GREM2: variants seen among roughly 807,000 people sequenced by gnomAD.
The protein encoded by GREM2 is gremlin-2.
GREM2 carries 11 observed loss-of-function variants against 14.2 expected under a neutral mutation model. The observed-to-expected ratio is 0.78, with a 90% CI of 0.49 to 1.28. The LOEUF is 1.28. Among genes scored for constraint, GREM2 ranks in the 50% most tolerant of loss-of-function variants. The pLI, the probability that GREM2 is intolerant of heterozygous loss-of-function variation, is 0.00. For missense variants in GREM2, 210 were observed against 218.5 expected, an observed-to-expected ratio of 0.96 and a Z score of 0.24; for synonymous variants, 98 against 97.6, an observed-to-expected ratio of 1.00 and a Z score of -0.02.
At chr1:240,574,874 C>T (rs186266100) in intron 1 of GREM2, among the ~76,000 whole-genome samples, 2 of 152,028 alleles carry the variant, frequency 1.3e-5, no homozygotes, top group Admixed American at 6.6e-5. Flanking sequence ...TTTGGGAGGC[C>T]GAGGCAGGCG....
intron 1 of GREM2, among the ~76,000 whole-genome samples, chr1:240,586,277 A>G (rs1011971182): frequency 2.4e-4 from 36 of 152,352 alleles, no homozygotes; most frequent in Admixed American, 2.2e-3. Context: ...TCCCTGGACT[A>G]GAAATCCATT....
intron 1 of GREM2, among the ~76,000 whole-genome samples, chr1:240,577,862 C>A (rs1679401828): frequency 6.6e-6 from 1 of 152,114 alleles, no homozygotes; most frequent in South Asian, 2.1e-4. Flanking sequence ...TCTATGTGAG[C>A]AAATCTATAT....
chr1:240,582,562 G>A (rs767464900), intron 1 of GREM2, among the ~76,000 whole-genome samples: 9 of 151,968 alleles, frequency 5.9e-5, no homozygotes, highest in East Asian at 1.9e-4. Context: ...TTGGGAGGCC[G>A]AGACAGGTGG....
chr1:240,562,559 G>C (rs867853086), intron 1 of GREM2, among the ~76,000 whole-genome samples: 1 of 152,158 alleles, frequency 6.6e-6, no homozygotes, highest in Non-Finnish European at 1.5e-5. Flanking sequence ...CACGCCATTA[G>C]TTTAATATTT....
chr1:240,583,047 C>T (rs1572410143), intron 1 of GREM2, among the ~76,000 whole-genome samples: 1 of 152,000 alleles, frequency 6.6e-6, no homozygotes, highest in Admixed American at 6.6e-5. Flanking sequence ...TAATGACAAT[C>T]TTCTTTTATG....
rs568549391 is a variant in GREM2 at position 240,557,565 on chromosome 1, C to T, written c.-2+54319G>A. On this transcript the variant is annotated intron_variant, in intron 1 of 1. Transcript: ENST00000318160. ...AAAATGATTTTCAAATGGAAATTAT[C>T]TTCCAAATAATGAATCTATTTTTTT... 4.4e-4 allele frequency among the ~76,000 whole-genome samples: 67 copies of T among 152,284 alleles called. 1 individual carries two copies. Among genetic ancestry groups the T allele is most frequent in the African/African-American group, 1.6e-3 (67 of 41,572 alleles).
chr1:240,585,993 A>C (rs1679592713), intron 1 of GREM2, among the ~76,000 whole-genome samples: 1 of 151,804 alleles, frequency 6.6e-6, no homozygotes, highest in Non-Finnish European at 1.5e-5. Context: ...AATTATTAAA[A>C]GAATCTTACT....
At chr1:240,609,816 C>G (rs559421470) in intron 1 of GREM2, among the ~76,000 whole-genome samples, 6 of 152,216 alleles carry the variant, frequency 3.9e-5, no homozygotes, top group African/African-American at 7.2e-5. Context: ...AATACCATTC[C>G]TTTGCATTAG....
chr1:240,514,478 G>A (rs1339570022), intron 1 of GREM2, among the ~76,000 whole-genome samples: 1 of 142,606 alleles, frequency 7.0e-6, no homozygotes, highest in African/African-American at 2.8e-5. Context: ...AGAGTGAAAT[G>A]TACACACTGG....
At chr1:240,590,577 G>A (rs1452121811) in intron 1 of GREM2, among the ~76,000 whole-genome samples, 3 of 151,412 alleles carry the variant, frequency 2.0e-5, no homozygotes, top group Admixed American at 6.6e-5. Flanking sequence ...TTACAGGCAT[G>A]TGCCACCATG....
chr1:240,609,265 A>G (rs1426016206), intron 1 of GREM2, among the ~76,000 whole-genome samples: 1 of 151,980 alleles, frequency 6.6e-6, no homozygotes, highest in Non-Finnish European at 1.5e-5. Flanking sequence ...CAGTGCGCCA[A>G]CACCGTCTGG....
chr1:240,572,365 C>G (rs961503892), intron 1 of GREM2, among the ~76,000 whole-genome samples: 3 of 152,070 alleles, frequency 2.0e-5, no homozygotes, highest in Non-Finnish European at 4.4e-5. Flanking sequence ...ATTCCTGGAA[C>G]AAAAATGAAA....
intron 1 of GREM2, among the ~76,000 whole-genome samples, chr1:240,528,070 C>T (rs972094963): frequency 5.9e-5 from 9 of 152,134 alleles, no homozygotes; most frequent in Non-Finnish European, 8.8e-5. Flanking sequence ...AGCTATGTGC[C>T]CGGCACTGTG....
At chr1:240,551,650 T>TC (rs1397968586) in intron 1 of GREM2, among the ~76,000 whole-genome samples, 1 of 151,860 alleles carries the variant, frequency 6.6e-6, no homozygotes, top group Non-Finnish European at 1.5e-5. Flanking sequence ...TTTTTTTTTT[T>TC]AGTTTACCTA....
rs953593277 is a variant in GREM2 at position 240,490,262 on chromosome 1, T to G, written c.*2707A>C. ...AGCTGGCAGGGGATGTGGAAGAGGC[T>G]TGGAAGCTTCCAAAGACCAGGATTG... On this transcript the variant is annotated 3_prime_UTR_variant, in exon 2 of 2. Coordinates refer to ENST00000318160, the MANE Select transcript of GREM2 (RefSeq NM_022469.4). 9.9e-5 allele frequency: 15 copies of G among 152,252 alleles called. No individual in the cohort carries two copies. Among genetic ancestry groups the G allele is most frequent in the African/African-American group, 3.6e-4 (15 of 41,450 alleles). The allele number at this position is 152,252 out of a possible 1,614,324, so 9.4% of individuals were successfully genotyped here. A position where few individuals can be genotyped will look rare whatever the true frequency, so the allele number is the denominator to read the frequency against.
chr1:240,596,419 G>C (rs1338229724), intron 1 of GREM2, among the ~76,000 whole-genome samples: 1 of 152,132 alleles, frequency 6.6e-6, no homozygotes, highest in Admixed American at 6.6e-5. Context: ...GTGGCTTGCC[G>C]GGCACGGTAG....
chr1:240,534,178 G>A (rs909534347), intron 1 of GREM2, among the ~76,000 whole-genome samples: 1 of 152,124 alleles, frequency 6.6e-6, no homozygotes, highest in Non-Finnish European at 1.5e-5. Context: ...AGGAAGAGAG[G>A]TGTGAGGCAT....
At chr1:240,605,006 G>A (rs1322683275) in intron 1 of GREM2, among the ~76,000 whole-genome samples, 1 of 152,084 alleles carries the variant, frequency 6.6e-6, no homozygotes, top group Non-Finnish European at 1.5e-5. Flanking sequence ...CATTCCACAA[G>A]TTACTTCCTC....
intron 1 of GREM2, among the ~76,000 whole-genome samples, chr1:240,593,567 G>A (rs1679754485): frequency 6.6e-6 from 1 of 152,156 alleles, no homozygotes; most frequent in Non-Finnish European, 1.5e-5. Flanking sequence ...AAGGTAATCA[G>A]CAACGTATGT....
Sources: gnomAD v4.1 joint callset for allele counts (sites outside exome capture counted in the v4.1 genomes callset) on GRCh38, gnomAD v4.1.1 for gene constraint, MANE v1.5 for transcripts, NCBI Gene and HGNC (gene_info 2026-07-23, HGNC 2026-07-21) for gene names.